Variants in CADM2 observed in about 807,000 individuals in gnomAD.
CADM2 encodes the protein immunoglobulin superfamily member 4D.
In CADM2, 12 loss-of-function variants were observed where a neutral mutation model predicts 49.8. That is an observed-to-expected ratio of 0.24 (90% confidence interval 0.15 to 0.39). The LOEUF is 0.39. Among genes scored for constraint, CADM2 ranks in the 10% least tolerant of loss-of-function variants. CADM2 has a pLI of 1.00. For missense variants in CADM2, 378 were observed against 492.3 expected, an observed-to-expected ratio of 0.77 and a Z score of 2.20; for synonymous variants, 214 against 175.4, an observed-to-expected ratio of 1.22 and a Z score of -1.74.
intron 1 of CADM2, among the ~76,000 whole-genome samples, chr3:85,659,485 T>G (rs2107605680): frequency 6.6e-6 from 1 of 151,820 alleles, no homozygotes; most frequent in Non-Finnish European, 1.5e-5. Flanking sequence ...AACCAAAAAA[T>G]AATGCAGAAA....
At chr3:85,745,739 C>T (rs1403338256) in intron 2 of CADM2, among the ~76,000 whole-genome samples, 1 of 152,108 alleles carries the variant, frequency 6.6e-6, no homozygotes, top group African/African-American at 2.4e-5. Flanking sequence ...GTGGTGCATG[C>T]CTGTAGTCCC....
chr3:85,861,885 C>A (rs1351376105), intron 3 of CADM2, among the ~76,000 whole-genome samples: 1 of 151,788 alleles, frequency 6.6e-6, no homozygotes, highest in Non-Finnish European at 1.5e-5. Context: ...TAAAAAATAA[C>A]TTAAAAGAAA....
At chr3:85,109,796 G>T (rs1001207350) in intron 1 of CADM2, among the ~76,000 whole-genome samples, 5 of 151,840 alleles carry the variant, frequency 3.3e-5, no homozygotes, top group African/African-American at 9.7e-5. Context: ...TTGATATATT[G>T]GTTCACCATG....
At chr3:85,633,743 C>T (rs1014476458) in intron 1 of CADM2, among the ~76,000 whole-genome samples, 2 of 151,840 alleles carry the variant, frequency 1.3e-5, no homozygotes, top group Non-Finnish European at 2.9e-5. Flanking sequence ...AATAAATTTC[C>T]ATAAAAGTAA....
chr3:85,883,480 C>T (rs201874559), intron 4 of CADM2, 37 bp downstream of exon 4: 427 of 1,551,594 alleles, frequency 2.8e-4, no homozygotes, highest in Non-Finnish European at 3.4e-4. Flanking sequence ...AATCACAAAA[C>T]CAGAATGATA....
chr3:85,203,874 C>A (rs541259694), intron 1 of CADM2, among the ~76,000 whole-genome samples: 9 of 152,244 alleles, frequency 5.9e-5, no homozygotes, highest in Admixed American at 3.9e-4. Flanking sequence ...CAATAAAAAT[C>A]TTTTATTGCC....
At chr3:85,546,373 C>T (rs1241851770) in intron 1 of CADM2, among the ~76,000 whole-genome samples, 2 of 152,096 alleles carry the variant, frequency 1.3e-5, no homozygotes, top group African/African-American at 4.8e-5. Flanking sequence ...ATCAAATAAA[C>T]AATTAAAACA....
intron 1 of CADM2, among the ~76,000 whole-genome samples, chr3:85,356,866 G>T (rs1004791029): frequency 1.3e-5 from 2 of 151,786 alleles, no homozygotes; most frequent in Admixed American, 1.3e-4. Context: ...GGAAATTTTT[G>T]AATGGGTATT....
At chr3:85,837,189 ATG>A (rs1424890480) in intron 3 of CADM2, among the ~76,000 whole-genome samples, 1 of 151,602 alleles carries the variant, frequency 6.6e-6, no homozygotes, top group Non-Finnish European at 1.5e-5. Context: ...TAACTACTTC[ATG>A]TGTTATAATG....
chr3:85,175,967 C>T (rs1182508136), intron 1 of CADM2, among the ~76,000 whole-genome samples: 2 of 120,242 alleles, frequency 1.7e-5, no homozygotes, highest in East Asian at 5.0e-4. Context: ...CTCGCTCTGT[C>T]GCCCAGGCTG....
chr3:86,004,057 G>A (rs1376829993), intron 8 of CADM2, among the ~76,000 whole-genome samples: 1 of 152,032 alleles, frequency 6.6e-6, no homozygotes, highest in Non-Finnish European at 1.5e-5. Flanking sequence ...GAAAGATAAG[G>A]AGTATTGATA....
At chr3:85,631,547 A>C (rs542738049) in intron 1 of CADM2, among the ~76,000 whole-genome samples, 3 of 152,250 alleles carry the variant, frequency 2.0e-5, no homozygotes, top group Non-Finnish European at 4.4e-5. Context: ...AAGTGAACTT[A>C]TCTGAAAATA....
chr3:85,639,200 A>G (rs530772177), intron 1 of CADM2, among the ~76,000 whole-genome samples: 2 of 152,210 alleles, frequency 1.3e-5, no homozygotes, highest in South Asian at 4.1e-4. Flanking sequence ...GATGTTTCAA[A>G]TCTTTCTTTT....
chr3:85,673,187 G>A (rs1012759743), intron 1 of CADM2, among the ~76,000 whole-genome samples: 1 of 152,170 alleles, frequency 6.6e-6, no homozygotes, highest in Admixed American at 6.5e-5. Context: ...CTCTGCCTGT[G>A]TATAGGGACA....
intron 1 of CADM2, among the ~76,000 whole-genome samples, chr3:85,107,601 CTCTTTCTTTTTCTTTCTTTCTT>C (rs1410744957): frequency 3.4e-4 from 50 of 147,044 alleles, no homozygotes; most frequent in Non-Finnish European, 6.3e-4. Flanking sequence ...TTCTTTCTTT[CTCTTTCTTTTTCTTTCTTTCTT>C]TCTTTCTTTT....
At chr3:85,691,977 G>A (rs1163773931) in intron 1 of CADM2, among the ~76,000 whole-genome samples, 1 of 152,152 alleles carries the variant, frequency 6.6e-6, no homozygotes, top group African/African-American at 2.4e-5. Context: ...GCCTGTTGTG[G>A]GGTGGGAGAA....
At chr3:85,613,523 G>C (rs1248591758) in intron 1 of CADM2, among the ~76,000 whole-genome samples, 2 of 151,592 alleles carry the variant, frequency 1.3e-5, no homozygotes, top group East Asian at 1.9e-4. Flanking sequence ...ATTAAAGAGA[G>C]GTCTTTGAGT....
At chr3:84,986,957 C>T (rs997222014) in intron 1 of CADM2, among the ~76,000 whole-genome samples, 13 of 151,636 alleles carry the variant, frequency 8.6e-5, no homozygotes, top group Non-Finnish European at 1.6e-4. Context: ...GAGGCTGAGG[C>T]AGGAGAATCA....
chr3:85,108,030 A>C (rs1191885957), intron 1 of CADM2, among the ~76,000 whole-genome samples: 2 of 152,080 alleles, frequency 1.3e-5, no homozygotes, highest in African/African-American at 2.4e-5. Flanking sequence ...TTAAAAGTTA[A>C]ATACACAATT....
Sources: allele counts gnomAD v4.1 joint callset (sites outside exome capture counted in the v4.1 genomes callset), GRCh38; gene constraint gnomAD v4.1.1; transcripts MANE v1.5; gene names NCBI Gene and HGNC (gene_info 2026-07-23, HGNC 2026-07-21).